The following PRKCE variants were observed in gnomAD, a reference collection of about 807,000 sequenced individuals.
The protein encoded by PRKCE is protein kinase C epsilon type.
A neutral mutation model predicts 85.4 loss-of-function variants in PRKCE; 16 were observed. The ratio of observed to expected loss-of-function variants is 0.19; its 90% confidence interval spans 0.13 to 0.28. PRKCE has a LOEUF of 0.28. Ranked by LOEUF, PRKCE falls within the 10% of genes least tolerant of loss-of-function variation. The probability of loss-of-function intolerance (pLI) is 1.00; values close to 1 mark genes in which losing one functional copy is unlikely to be tolerated. For synonymous variants in PRKCE, 388 were observed against 371.5 expected (o/e 1.04, Z -0.51); for missense variants, 573 against 975.2 (o/e 0.59, Z 5.49).
intron 2 of PRKCE, among the ~76,000 whole-genome samples, chr2:45,903,778 G>A (rs1020969500): frequency 2.6e-5 from 4 of 152,084 alleles, no homozygotes; most frequent in African/African-American, 9.7e-5. Flanking sequence ...CTTCCTTCTT[G>A]GAAATGGGTT....
intron 10 of PRKCE, among the ~76,000 whole-genome samples, chr2:46,039,399 T>C (rs1404292307): frequency 1.3e-5 from 2 of 152,170 alleles, no homozygotes; most frequent in East Asian, 1.9e-4. Context: ...ATTTGACCCA[T>C]TGGGGTTTCA....
chr2:46,051,353 T>A (rs894314502), intron 10 of PRKCE, among the ~76,000 whole-genome samples: 1 of 152,200 alleles, frequency 6.6e-6, no homozygotes, highest in African/African-American at 2.4e-5. Context: ...ACCTTCTCTC[T>A]GATCTGTGAC....
chr2:46,098,593 T>G lies in PRKCE; in HGVS notation c.1592+12231T>G, dbSNP rs1670925633. Among the ~76,000 whole-genome samples, 4 of 152,210 alleles carry G rather than the reference T, an allele frequency of 2.6e-5. No individual in the cohort carries two copies. In the South Asian group the frequency reaches 8.3e-4, roughly 32 times the overall value. On this transcript the variant is annotated intron_variant, in intron 11 of 14. Transcript: ENST00000306156. ...TCCAAACAAGGGCTAATTTGAGGTG[T>G]TGGGACCTGTCCTATATAGGGGAAT...
At chr2:45,761,098 T>C (rs193173920) in intron 1 of PRKCE, among the ~76,000 whole-genome samples, 3,109 of 151,942 alleles carry the variant, frequency 0.02, 55 homozygotes, top group Middle Eastern at 0.065. Context: ...GAGGCCAAGG[T>C]GGGCGGATCA....
At chr2:46,181,839 G>A (rs576681261) in intron 14 of PRKCE, among the ~76,000 whole-genome samples, 38 of 152,246 alleles carry the variant, frequency 2.5e-4, no homozygotes, top group Admixed American at 1.9e-3. Context: ...GGAGAATCCC[G>A]GTCACTATAT....
intron 1 of PRKCE, among the ~76,000 whole-genome samples, chr2:45,658,484 C>G (rs572335840): frequency 6.6e-6 from 1 of 152,172 alleles, no homozygotes; most frequent in Non-Finnish European, 1.5e-5. Context: ...CTCAATGGAC[C>G]GCTCTCCCTG....
At chr2:46,032,332 A>G (rs183568256) in intron 10 of PRKCE, among the ~76,000 whole-genome samples, 12 of 152,272 alleles carry the variant, frequency 7.9e-5, no homozygotes, top group East Asian at 1.9e-4. Flanking sequence ...TGTTCCTGAC[A>G]ATGTTCATTT....
intron 11 of PRKCE, among the ~76,000 whole-genome samples, chr2:46,142,860 A>C (rs768476621): frequency 6.6e-6 from 1 of 152,266 alleles, no homozygotes; most frequent in Non-Finnish European, 1.5e-5. Context: ...GAATCTTCTG[A>C]ATCCATTCAA....
intron 2 of PRKCE, among the ~76,000 whole-genome samples, chr2:45,953,849 C>T (rs1048271200): frequency 6.6e-6 from 1 of 152,178 alleles, no homozygotes; most frequent in African/African-American, 2.4e-5. Context: ...CCGTGTTGTG[C>T]AATATTAGTC....
chr2:45,828,735 G>C (rs970396819), intron 1 of PRKCE, among the ~76,000 whole-genome samples: 3 of 151,970 alleles, frequency 2.0e-5, no homozygotes, highest in African/African-American at 7.2e-5. Context: ...ATAAATGAGA[G>C]GAGTGAACTA....
chr2:46,137,386 C>T (rs1675104134), intron 11 of PRKCE, among the ~76,000 whole-genome samples: 1 of 152,116 alleles, frequency 6.6e-6, no homozygotes, highest in South Asian at 2.1e-4. Flanking sequence ...ATAGCCAAAC[C>T]TGGGAGGCAA....
intron 1 of PRKCE, among the ~76,000 whole-genome samples, chr2:45,775,234 A>G (rs943888490): frequency 1.3e-5 from 2 of 152,190 alleles, no homozygotes; most frequent in African/African-American, 4.8e-5. Context: ...TCATTTGGTT[A>G]AAAAGTGCCC....
Position 45,786,647 on chromosome 2 carries a change from T to G in PRKCE, c.349-56353T>G, listed in dbSNP as rs535128134. On this transcript the variant is annotated intron_variant, in intron 1 of 14. Transcript: ENST00000306156. The surrounding 1 kb of genome is among the most constrained non-coding windows in gnomAD (Gnocchi z 5.3). ...GAGTATTTTGTATGAGATTCAGGGG[T>G]GGGAGTGAGGGGGCAAGGGTTTAAG... Among the ~76,000 whole-genome samples, 199 of 152,044 alleles carry G rather than the reference T, an allele frequency of 1.3e-3. 1 individual carries two copies. The highest frequency in any genetic ancestry group is 4.6e-3 in the African/African-American group (192 of 41,468).
At chr2:45,669,936 A>G (rs1265064289) in intron 1 of PRKCE, among the ~76,000 whole-genome samples, 1 of 152,216 alleles carries the variant, frequency 6.6e-6, no homozygotes, top group Non-Finnish European at 1.5e-5. Context: ...ACTTGAACCC[A>G]GGAGGCAGAG....
chr2:46,118,699 G>A (rs571849654), intron 11 of PRKCE, among the ~76,000 whole-genome samples: 1 of 152,288 alleles, frequency 6.6e-6, no homozygotes, highest in African/African-American at 2.4e-5. Context: ...AGAGATGGAG[G>A]ATGAGACCTA....
intron 1 of PRKCE, among the ~76,000 whole-genome samples, chr2:45,837,654 T>A (rs1690992716): frequency 1.3e-5 from 2 of 152,236 alleles, no homozygotes; most frequent in South Asian, 4.1e-4. Context: ...GCTGGTGTGA[T>A]CTCACTAGCA....
Position 46,138,786 on chromosome 2 carries a change from G to C in PRKCE, c.1593-6307G>C, listed in dbSNP as rs1675237066. Reference sequence around the variant, plus strand: ...CATCTCATAGCATCTAATGCGTAGAGACCAGGGTGCTAGTAAACATCCTGT... The same window carrying C: ...CATCTCATAGCATCTAATGCGTAGACACCAGGGTGCTAGTAAACATCCTGT... On this transcript the variant is annotated intron_variant, in intron 11 of 14. Coordinates refer to ENST00000306156, the MANE Select transcript of PRKCE (RefSeq NM_005400.3). This position sits in a 1 kb window ranked among gnomAD's most constrained non-coding sequence, Gnocchi z 4.2. Among the ~76,000 whole-genome samples the C allele has an allele frequency of 6.6e-6, 1 of 152,200 alleles. No individual in the cohort carries two copies. The highest frequency in any genetic ancestry group is 1.5e-5 in the Non-Finnish European group (1 of 68,036).
chr2:45,822,785 T>G (rs964818183), intron 1 of PRKCE, among the ~76,000 whole-genome samples: 2 of 152,082 alleles, frequency 1.3e-5, no homozygotes, highest in Admixed American at 1.3e-4. Context: ...TAGTTAGGAG[T>G]GCTTGCTTTT....
chr2:45,737,804 C>T (rs757584098), intron 1 of PRKCE, among the ~76,000 whole-genome samples: 11 of 152,290 alleles, frequency 7.2e-5, no homozygotes, highest in Non-Finnish European at 1.5e-4. Flanking sequence ...CTCACCCCCT[C>T]TGCTGACTTG....
Sources: gnomAD v4.1 joint callset for allele counts (sites outside exome capture counted in the v4.1 genomes callset) on GRCh38, gnomAD v4.1.1 for gene constraint, Gnocchi (gnomAD v3.1) non-coding constraint, MANE v1.5 for transcripts, NCBI Gene and HGNC (gene_info 2026-07-23, HGNC 2026-07-21) for gene names.